Variants in PDE1A observed in about 807,000 individuals in gnomAD.
PDE1A encodes dual specificity calcium/calmodulin-dependent 3',5'-cyclic nucleotide phosphodiesterase 1A.
PDE1A carries 35 observed loss-of-function variants against 61.7 expected under a neutral mutation model. The observed-to-expected ratio is 0.57, with a 90% CI of 0.43 to 0.75. The LOEUF (loss-of-function observed/expected upper bound fraction) is 0.75, where lower values mean the gene tolerates loss of function less well. PDE1A is among the 30% of genes least tolerant of loss of function. PDE1A has a pLI of 0.00. For missense variants in PDE1A, 597 were observed against 630.6 expected (o/e 0.95, Z 0.57); for synonymous variants, 232 against 213.2 (o/e 1.09, Z -0.77).
chr2:182,662,341 G>GAAAAAAAAAAAAAAAAAAAAAAA, the PDE1A span, among the ~76,000 whole-genome samples: 3 of 137,964 alleles, frequency 2.2e-5, no homozygotes, highest in African/African-American at 8.3e-5. Context: ...AAAAAAAAAA[G>GAAAAAAAAAAAAAAAAAAAAAAA]AAAAAAAAAA....
intron 2 of PDE1A, among the ~76,000 whole-genome samples, chr2:182,251,083 A>T (rs576747137): frequency 6.6e-6 from 1 of 152,284 alleles, no homozygotes; most frequent in South Asian, 2.1e-4. Flanking sequence ...TTGGCTCAAA[A>T]ACATTTTTGA....
chr2:182,169,930 A>G (rs1009171888), intron 13 of PDE1A, among the ~76,000 whole-genome samples: 1 of 117,330 alleles, frequency 8.5e-6, no homozygotes, highest in Non-Finnish European at 1.9e-5. Context: ...ACGCACACAC[A>G]CACACACACT....
chr2:182,208,045 A>G (rs893649108), intron 7 of PDE1A, among the ~76,000 whole-genome samples: 4 of 152,224 alleles, frequency 2.6e-5, no homozygotes, highest in African/African-American at 9.6e-5. Flanking sequence ...TCCAGGAAGA[A>G]GTCTGCTGCA....
At chr2:182,385,861 CTCTCCCTCTCCG>C (rs1205007612) in intron 1 of PDE1A, among the ~76,000 whole-genome samples, 11 of 145,128 alleles carry the variant, frequency 7.6e-5, no homozygotes, top group African/African-American at 1.0e-4. Flanking sequence ...CCTCCTCTCC[CTCTCCCTCTCCG>C]TCTCCCTCTC....
chr2:182,267,792 T>A (rs555575428), intron 1 of PDE1A, among the ~76,000 whole-genome samples: 1 of 152,112 alleles, frequency 6.6e-6, no homozygotes, highest in Non-Finnish European at 1.5e-5. Flanking sequence ...TCTTCCTAGA[T>A]AATACAAGGT....
chr2:182,585,523 T>TA, the PDE1A span, among the ~76,000 whole-genome samples: 13 of 152,110 alleles, frequency 8.5e-5, no homozygotes, highest in Non-Finnish European at 1.9e-4. Context: ...TCAGAACTCT[T>TA]AAAAAAATTG....
intron 1 of PDE1A, among the ~76,000 whole-genome samples, chr2:182,268,580 A>T (rs1692796286): frequency 6.6e-6 from 1 of 152,110 alleles, no homozygotes; most frequent in South Asian, 2.1e-4. Flanking sequence ...GTCAAACTGC[A>T]GGTATTTCCC....
chr2:182,714,847 C>T, the PDE1A span, among the ~76,000 whole-genome samples: 1 of 152,310 alleles, frequency 6.6e-6, no homozygotes, highest in South Asian at 2.1e-4. Flanking sequence ...GCGTGAGCCA[C>T]CACACCCGGC....
At chr2:182,482,533 T>A (rs1387218167) in intron 2 of PDE1A, among the ~76,000 whole-genome samples, 2 of 151,616 alleles carry the variant, frequency 1.3e-5, no homozygotes, top group Non-Finnish European at 2.9e-5. Context: ...AAAATAGCTA[T>A]ACAACTGGAT....
intron 7 of PDE1A, among the ~76,000 whole-genome samples, chr2:182,222,007 A>C (rs941927643): frequency 8.5e-5 from 13 of 152,106 alleles, no homozygotes; most frequent in African/African-American, 3.1e-4. Context: ...CACATCAAAC[A>C]ATAACTCCCA....
chr2:182,709,865 C>G, the PDE1A span, among the ~76,000 whole-genome samples: 2 of 152,106 alleles, frequency 1.3e-5, no homozygotes, highest in South Asian at 2.1e-4. Flanking sequence ...AATTTATCAC[C>G]AAATCGTACC....
At chr2:182,679,258 A>C in the PDE1A span, among the ~76,000 whole-genome samples, 2 of 149,978 alleles carry the variant, frequency 1.3e-5, no homozygotes, top group Non-Finnish European at 3.0e-5. Context: ...ATCTCGGCTC[A>C]CTGCAAGCTC....
At chr2:182,259,321 G>GT (rs1692060009) in intron 2 of PDE1A, among the ~76,000 whole-genome samples, 1 of 152,000 alleles carries the variant, frequency 6.6e-6, no homozygotes, top group African/African-American at 2.4e-5. Flanking sequence ...ACCAGTACCC[G>GT]TTTTCATTTT....
chr2:182,212,521 G>A (rs1050085323), intron 7 of PDE1A, among the ~76,000 whole-genome samples: 1 of 152,196 alleles, frequency 6.6e-6, no homozygotes, highest in African/African-American at 2.4e-5. Flanking sequence ...CATCTCAGTA[G>A]GGAGTGCCAG....
the PDE1A span, among the ~76,000 whole-genome samples, chr2:182,705,818 GC>G: frequency 6.6e-6 from 1 of 152,182 alleles, no homozygotes; most frequent in African/African-American, 2.4e-5. Flanking sequence ...CCAGCTGAGG[GC>G]TAAGTCTTTA....
At chr2:182,427,446 C>T (rs79542141), upstream of PDE1A, among the ~76,000 whole-genome samples, 1 of 151,946 alleles carries the variant, frequency 6.6e-6, no homozygotes, top group South Asian at 2.1e-4. Flanking sequence ...ATGTCTGTAC[C>T]CAAATGTGGT....
chr2:182,393,477 G>T (rs1701535025), intron 1 of PDE1A, among the ~76,000 whole-genome samples: 2 of 152,092 alleles, frequency 1.3e-5, no homozygotes, highest in South Asian at 2.1e-4. Context: ...CCACTGCCTT[G>T]GTGATTAACA....
the PDE1A span, among the ~76,000 whole-genome samples, chr2:182,679,421 G>A: frequency 6.1e-5 from 8 of 131,630 alleles, no homozygotes; most frequent in South Asian, 7.4e-4. Context: ...GGCTGGTCTT[G>A]AAATCCTAAC....
At chr2:182,585,798 T>C in the PDE1A span, among the ~76,000 whole-genome samples, 1 of 152,196 alleles carries the variant, frequency 6.6e-6, no homozygotes, top group Non-Finnish European at 1.5e-5. Flanking sequence ...TAATAGATCA[T>C]AAATCACAAA....
Sources: gnomAD v4.1 joint callset for allele counts (sites outside exome capture counted in the v4.1 genomes callset) on GRCh38, gnomAD v4.1.1 for gene constraint, MANE v1.5 for transcripts, NCBI Gene and HGNC (gene_info 2026-07-23, HGNC 2026-07-21) for gene names.